SMOC2: variants seen among roughly 807,000 people sequenced by gnomAD.
SMOC2 encodes SPARC related modular calcium binding 2.
In SMOC2, 39 loss-of-function variants were observed where a neutral mutation model predicts 61.4. That is an observed-to-expected ratio of 0.64 (90% CI 0.49 to 0.83). The LOEUF is 0.83. Among genes scored for constraint, SMOC2 ranks in the 40% least tolerant of loss-of-function variants. SMOC2 has a pLI of 0.00. For synonymous variants in SMOC2, 247 were observed against 239.9 expected, an observed-to-expected ratio of 1.03 and a Z score of -0.27; for missense variants, 556 against 592.9, an observed-to-expected ratio of 0.94 and a Z score of 0.65.
At chr6:168,607,208 G>T (rs907300215) in intron 8 of SMOC2, among the ~76,000 whole-genome samples, 3 of 151,986 alleles carry the variant, frequency 2.0e-5, no homozygotes, top group Admixed American at 1.3e-4. Context: ...CGGGAGGCAG[G>T]TTCTCATGGT....
At chr6:168,512,800 G>A (rs1783039293) in intron 2 of SMOC2, among the ~76,000 whole-genome samples, 1 of 152,142 alleles carries the variant, frequency 6.6e-6, no homozygotes, top group African/African-American at 2.4e-5. Flanking sequence ...GGGAGTGCCA[G>A]CCCCTTCTAG....
chr6:168,653,002 C>T lies in SMOC2; in HGVS notation c.1059C>T (p.His353=). Residue 353 remains histidine, a synonymous_variant, in exon 11 of 13, where the codon CAC becomes CAT. Transcript: ENST00000356284. ...ATACCCTAGAGGAGCGGGTGGTGCA[C>T]TGGTACTTCAAACTACTGGATAAAA... The part of the protein sequence containing the change: ...PSHTLEERVV[H]WYFKLLDKNS... 6.2e-7 allele frequency: 1 copy of T among 1,614,008 alleles called. No homozygotes were observed. Among genetic ancestry groups the T allele is most frequent in the East Asian group, 2.2e-5 (1 of 44,872 alleles).
At chr6:168,543,397 C>A (rs527459365) in intron 4 of SMOC2, among the ~76,000 whole-genome samples, 1 of 152,198 alleles carries the variant, frequency 6.6e-6, no homozygotes, top group African/African-American at 2.4e-5. Context: ...ATGTGCAACC[C>A]CTTAGCGCCA....
chr6:168,469,180 G>T (rs1476597014), intron 1 of SMOC2, among the ~76,000 whole-genome samples: 1 of 152,210 alleles, frequency 6.6e-6, no homozygotes, highest in Non-Finnish European at 1.5e-5. Flanking sequence ...AAAGGGGCTG[G>T]TTCTCATCAG....
rs757624601 is a variant in SMOC2 at position 168,509,934 on chromosome 6, A to G, written c.104A>G (p.Asp35Gly). The change falls in exon 2 of 13, where the codon GAT becomes GGT. Residue 35 changes from aspartate to glycine, a missense_variant. Asp to Gly is a moderately conservative substitution (Grantham distance 94). Coordinates refer to ENST00000356284, the MANE Select transcript of SMOC2 (RefSeq NM_001166412.2). The stretch of plus-strand genomic sequence containing the variant: ...TTTAAGTTTTTGAGAGTGGATCAAG[A>G]TAAAGACAAGGATTGTAGCTTGGAC... ...SALTFLRVDQ[D>G]KDKDCSLDCA... 1.2e-6 allele frequency: 2 copies of G among 1,604,806 alleles called. No individual in the cohort carries two copies. Among genetic ancestry groups the G allele is most frequent in the Non-Finnish European group, 1.7e-6 (2 of 1,173,450 alleles).
intron 1 of SMOC2, among the ~76,000 whole-genome samples, chr6:168,444,979 G>C (rs896718898): frequency 1.3e-5 from 2 of 152,102 alleles, no homozygotes; most frequent in African/African-American, 4.8e-5. Context: ...TTAGAATGTT[G>C]AAGTCACATT....
Position 168,509,884 on chromosome 6 carries a change from ATTTGTCTGGCTTCTT to A in SMOC2, c.85-27_85-13del, listed in dbSNP as rs1782964428. On this transcript the variant is annotated splice_polypyrimidine_tract_variant and intron_variant, in intron 1 of 12. Coordinates refer to ENST00000356284, the MANE Select transcript of SMOC2 (RefSeq NM_001166412.2). ...GCTGCTCTGAAGAATGTGTCTTTAAATTTGTCTGGCTTCTTTTTTTCTCCTTTAAGTTTTTGAGAG... is the reference window on the plus strand; with the variant it reads ...GCTGCTCTGAAGAATGTGTCTTTAAATTTTTCTCCTTTAAGTTTTTGAGAG... 8 of 1,577,702 alleles carry A rather than the reference ATTTGTCTGGCTTCTT, an allele frequency of 5.1e-6. No individual in the cohort carries two copies. Among genetic ancestry groups the A allele is most frequent in the Non-Finnish European group, 6.1e-6 (7 of 1,155,848 alleles).
At chr6:168,632,955 C>T (rs892889546) in intron 9 of SMOC2, among the ~76,000 whole-genome samples, 13 of 152,188 alleles carry the variant, frequency 8.5e-5, no homozygotes, top group African/African-American at 2.2e-4. Flanking sequence ...AGGTGCAGAG[C>T]GGCTTCCCCC....
chr6:168,655,484 C>A, intron 11 of SMOC2: 1 of 453,388 alleles, frequency 2.2e-6, no homozygotes, highest in Non-Finnish European at 4.4e-6. Flanking sequence ...AGCTCAGAGA[C>A]AGCACTGTGA....
Position 168,598,976 on chromosome 6 carries a change from G to C in SMOC2, c.796G>C (p.Gly266Arg). 6.2e-7 allele frequency: 1 copy of C among 1,611,222 alleles called. No individual in the cohort carries two copies. Among genetic ancestry groups the C allele is most frequent in the African/African-American group, 1.3e-5 (1 of 74,850 alleles). ...GYCWCVLVDT[G>R]RPIPGTSTRY... ...CTGCTGGTGCGTCCTGGTGGACACG[G>C]GGCGCCCCATTCCCGGCACATCCAC... is the stretch of plus-strand genomic sequence containing the variant. Residue 266 changes from glycine (G) to arginine (R), a missense_variant, in exon 8 of 13, where the codon GGG becomes CGG. Gly to Arg is a moderately radical substitution (Grantham distance 125, BLOSUM62 -2). Transcript: ENST00000356284.
Position 168,457,590 on chromosome 6 carries a change from C to T in SMOC2, c.84+16136C>T, listed in dbSNP as rs1282270325. On this transcript the variant is annotated intron_variant, in intron 1 of 12. Coordinates refer to ENST00000356284, the MANE Select transcript of SMOC2 (RefSeq NM_001166412.2). ...CTCCCAGAACATGAGCCCCGCGTCA[C>T]GTCCTTCCAGCCGTGCTTGTGATCA... Among the ~76,000 whole-genome samples the T allele has an allele frequency of 4.6e-5, 7 of 152,198 alleles. No homozygotes were observed. The East Asian group carries it at 5.8e-4, about 13-fold the overall frequency.
chr6:168,658,804 T>C (rs1458035113), intron 11 of SMOC2, among the ~76,000 whole-genome samples: 1 of 152,170 alleles, frequency 6.6e-6, no homozygotes, highest in Non-Finnish European at 1.5e-5. Context: ...GCCCTGCTCC[T>C]AAGTCACCCT....
chr6:168,577,832 C>A (rs1403370153), intron 7 of SMOC2, among the ~76,000 whole-genome samples: 2 of 152,174 alleles, frequency 1.3e-5, no homozygotes, highest in African/African-American at 4.8e-5. Context: ...CTTGGATGTT[C>A]CCTGAGCTGA....
Position 168,580,047 on chromosome 6 carries a change from C to T in SMOC2, c.638-18771C>T, listed in dbSNP as rs1428759435. Among the ~76,000 whole-genome samples the T allele has an allele frequency of 3.4e-5, 5 of 146,568 alleles. No homozygotes were observed. The South Asian group carries it at 8.8e-4, about 26-fold the overall frequency. ...ACTTGGGAGGCATTCCCATCAGGGG[C>T]TCTGAGATGCGTTCCGAGATGGTCT... On this transcript the variant is annotated intron_variant, in intron 7 of 12. Transcript: ENST00000356284.
intron 1 of SMOC2, among the ~76,000 whole-genome samples, chr6:168,451,175 CG>C (rs1415867294): frequency 1.3e-5 from 2 of 152,150 alleles, no homozygotes; most frequent in Non-Finnish European, 2.9e-5. Flanking sequence ...CTCCCTCCCT[CG>C]GGTCGCCCCT....
At chr6:168,591,922 G>T (rs1013681778) in intron 7 of SMOC2, among the ~76,000 whole-genome samples, 1 of 151,992 alleles carries the variant, frequency 6.6e-6, no homozygotes, top group Admixed American at 6.6e-5. Context: ...ATTATTTCCA[G>T]AATTTCTAGC....
chr6:168,625,174 T>C (rs565995207), intron 9 of SMOC2, among the ~76,000 whole-genome samples: 1 of 152,298 alleles, frequency 6.6e-6, no homozygotes, highest in South Asian at 2.1e-4. Context: ...AGAAAAGCAC[T>C]AGGGCATGTG....
intron 9 of SMOC2, among the ~76,000 whole-genome samples, chr6:168,616,081 C>T (rs948578020): frequency 1.3e-5 from 2 of 152,176 alleles, no homozygotes; most frequent in African/African-American, 4.8e-5. Context: ...GCCAGGACCT[C>T]GCTTGGTGGC....
intron 1 of SMOC2, among the ~76,000 whole-genome samples, chr6:168,499,622 A>G (rs951163567): frequency 9.9e-5 from 15 of 152,208 alleles, no homozygotes; most frequent in Non-Finnish European, 2.2e-4. Flanking sequence ...CAAAGTTTTA[A>G]TTGTCTTCTA....
Sources: gnomAD v4.1 joint callset for allele counts (sites outside exome capture counted in the v4.1 genomes callset) on GRCh38, gnomAD v4.1.1 for gene constraint, MANE v1.5 for transcripts, NCBI Gene and HGNC (gene_info 2026-07-23, HGNC 2026-07-21) for gene names.